Variants in RFX3 observed in about 807,000 individuals in gnomAD.
RFX3 encodes transcription factor RFX3.
Under a neutral mutation model 98.6 loss-of-function variants are expected in RFX3, and 14 were observed. That is an observed-to-expected ratio of 0.14 (90% CI 0.09 to 0.22). RFX3 has a LOEUF of 0.22. RFX3 is among the 10% of genes least tolerant of loss of function. The probability of loss-of-function intolerance (pLI) is 1.00; values close to 1 mark genes in which losing one functional copy is unlikely to be tolerated. For missense variants in RFX3, 639 were observed against 926.9 expected (o/e 0.69, Z 4.03); for synonymous variants, 383 against 328.4 (o/e 1.17, Z -1.80).
chr9:3,314,826 A>G (rs908443367), intron 4 of RFX3, among the ~76,000 whole-genome samples: 1 of 152,228 alleles, frequency 6.6e-6, no homozygotes, highest in African/African-American at 2.4e-5. Flanking sequence ...AGGGCTAACT[A>G]TCCTAAATAT....
intron 4 of RFX3, among the ~76,000 whole-genome samples, chr9:3,313,495 C>T (rs12002701): frequency 0.057 from 8,674 of 152,182 alleles, 797 homozygotes; most frequent in African/African-American, 0.19. Context: ...CCGCCAGCAA[C>T]GGAACAAAGC....
chr9:3,443,027 A>T (rs1845734361), intron 1 of RFX3, among the ~76,000 whole-genome samples: 1 of 152,192 alleles, frequency 6.6e-6, no homozygotes, highest in Non-Finnish European at 1.5e-5. Context: ...AAACTCAATA[A>T]TAAACAACCT....
intron 1 of RFX3, among the ~76,000 whole-genome samples, chr9:3,443,900 A>T (rs936096064): frequency 1.3e-5 from 2 of 152,196 alleles, no homozygotes; most frequent in Non-Finnish European, 2.9e-5. Context: ...AATGGCTAAA[A>T]TTTTAAAAAC....
At chr9:3,314,869 T>C (rs1830401361) in intron 4 of RFX3, among the ~76,000 whole-genome samples, 1 of 152,112 alleles carries the variant, frequency 6.6e-6, no homozygotes, top group Non-Finnish European at 1.5e-5. Context: ...CCCAGATTCA[T>C]AAAGCAAGTC....
At chr9:3,441,323 G>A (rs1382487358) in intron 1 of RFX3, among the ~76,000 whole-genome samples, 1 of 152,128 alleles carries the variant, frequency 6.6e-6, no homozygotes, top group Non-Finnish European at 1.5e-5. Flanking sequence ...GAGAGAGAGA[G>A]AGAGAGAGAT....
intron 7 of RFX3, among the ~76,000 whole-genome samples, chr9:3,287,321 TC>T (rs1228227190): frequency 3.3e-5 from 5 of 151,884 alleles, no homozygotes; most frequent in African/African-American, 1.2e-4. Flanking sequence ...TTCTGCATGC[TC>T]ACTTGAAAAG....
At chr9:3,356,192 G>GGAAGGAAA (rs1286948108) in intron 2 of RFX3, among the ~76,000 whole-genome samples, 1 of 143,368 alleles carries the variant, frequency 7.0e-6, no homozygotes, top group East Asian at 2.0e-4. Flanking sequence ...AAGGAAGGAA[G>GGAAGGAAA]GAAGGAAAGA....
intron 16 of RFX3, among the ~76,000 whole-genome samples, chr9:3,227,408 T>C (rs1341591087): frequency 6.6e-6 from 1 of 152,236 alleles, no homozygotes; most frequent in African/African-American, 2.4e-5. Flanking sequence ...CTCCAGGTCC[T>C]AAGGACAAAG....
At position 3,459,263 on chromosome 9, in the gene RFX3, G is replaced by A. The variant is rs148866104; in HGVS notation, c.-8-63667C>T. Among the ~76,000 whole-genome samples, 172 of 152,272 alleles carry A rather than the reference G, an allele frequency of 1.1e-3. No homozygotes were observed. The East Asian group carries it at 0.018, about 16-fold the overall frequency. ...ATTTCATCAAGCTCTAGTGCCAGGT[G>A]ACAACTGTTTGCTGTGACATGATTT... On this transcript the variant is annotated intron_variant, in intron 1 of 16. Transcript: ENST00000617270.
chr9:3,427,405 ATAT>A (rs891683889), intron 1 of RFX3, among the ~76,000 whole-genome samples: 11 of 138,232 alleles, frequency 8.0e-5, no homozygotes, highest in South Asian at 4.3e-4. Context: ...ATATAAATAT[ATAT>A]TGTTATATAA....
At chr9:3,247,813 C>G (rs773949507) in intron 15 of RFX3, 1 of 1,606,430 alleles carries the variant, frequency 6.2e-7, no homozygotes, top group Non-Finnish European at 8.5e-7. Flanking sequence ...ATTCCATGAA[C>G]TTTCACATGA....
chr9:3,413,496 G>A (rs35625648), intron 1 of RFX3, among the ~76,000 whole-genome samples: 12,866 of 152,014 alleles, frequency 0.085, 619 homozygotes, highest in African/African-American at 0.13. Flanking sequence ...CCCACCTTTA[G>A]TATTTAGATT....
chr9:3,264,133 G>A (rs1009294866), intron 12 of RFX3, among the ~76,000 whole-genome samples: 17 of 151,932 alleles, frequency 1.1e-4, no homozygotes, highest in Admixed American at 9.2e-4. Context: ...TATCCCCACC[G>A]TTGGATGCAC....
At chr9:3,229,382 C>T (rs982496083) in intron 15 of RFX3, among the ~76,000 whole-genome samples, 1 of 152,170 alleles carries the variant, frequency 6.6e-6, no homozygotes, top group Non-Finnish European at 1.5e-5. Flanking sequence ...AAAATAGAAA[C>T]TCCAAAATTG....
chr9:3,330,521 T>C lies in RFX3; in HGVS notation c.216-4A>G, dbSNP rs1554667558. On this transcript the variant is annotated splice_polypyrimidine_tract_variant and splice_region_variant and intron_variant, in intron 3 of 16. Transcript: ENST00000617270. Reference sequence around the variant, plus strand: ...GTAAGGATACGTTGTTGTTCGGCTTTAGAAGAAGAAGAAAAAAGAAATTTA... The same window carrying C: ...GTAAGGATACGTTGTTGTTCGGCTTCAGAAGAAGAAGAAAAAAGAAATTTA... 4.4e-6 allele frequency: 7 copies of C among 1,590,218 alleles called. No homozygotes were observed. The highest frequency in any genetic ancestry group is 6.0e-6 in the Non-Finnish European group (7 of 1,165,848).
chr9:3,497,858 A>G (rs1386981413), intron 1 of RFX3, among the ~76,000 whole-genome samples: 1 of 152,006 alleles, frequency 6.6e-6, no homozygotes, highest in South Asian at 2.1e-4. Flanking sequence ...TGCCATTTTA[A>G]TAAGGAAGTC....
chr9:3,523,994 C>G (rs185898940), intron 1 of RFX3, among the ~76,000 whole-genome samples: 1 of 152,098 alleles, frequency 6.6e-6, no homozygotes, highest in Non-Finnish European at 1.5e-5. Context: ...AATTACCCAC[C>G]CTGCTCGTTG....
intron 2 of RFX3, among the ~76,000 whole-genome samples, chr9:3,347,236 G>T (rs1447617879): frequency 6.6e-6 from 1 of 151,898 alleles, no homozygotes; most frequent in African/African-American, 2.4e-5. Flanking sequence ...CAGGAGAATT[G>T]CTTGAACCTG....
chr9:3,225,365 T>C, intron 16 of RFX3, 85 bp from the exon 17 acceptor site: 8 of 1,545,446 alleles, frequency 5.2e-6, no homozygotes, highest in East Asian at 2.3e-5. Flanking sequence ...CACTTTAATA[T>C]AGGACATTAC....
Sources: gnomAD v4.1 joint callset for allele counts (sites outside exome capture counted in the v4.1 genomes callset) on GRCh38, gnomAD v4.1.1 for gene constraint, MANE v1.5 for transcripts, NCBI Gene and HGNC (gene_info 2026-07-23, HGNC 2026-07-21) for gene names.